The following FRAS1 variants were observed in gnomAD, a reference collection of about 807,000 sequenced individuals.
FRAS1 encodes the protein extracellular matrix organizing protein FRAS1.
Under a neutral mutation model 435.2 loss-of-function variants are expected in FRAS1, and 290 were observed. The ratio of observed to expected loss-of-function variants is 0.67; its 90% confidence interval spans 0.61 to 0.73. The LOEUF (loss-of-function observed/expected upper bound fraction) is 0.73. Among genes scored for constraint, FRAS1 ranks in the 30% least tolerant of loss-of-function variants. The pLI is 0.00. For missense variants in FRAS1, 4,860 were observed against 5,001.5 expected (o/e 0.97, Z 0.85); for synonymous variants, 1,800 against 1,851.0 (o/e 0.97, Z 0.71).
chr4:78,363,696 C>A, intron 21 of FRAS1, 31 bp downstream of exon 21: 1 of 1,559,752 alleles, frequency 6.4e-7, no homozygotes, highest in Non-Finnish European at 8.7e-7. Context: ...GGAGCTGGAG[C>A]TGCCACCTGA....
intron 61 of FRAS1, among the ~76,000 whole-genome samples, chr4:78,506,368 A>G (rs1482872950): frequency 2.6e-5 from 4 of 152,232 alleles, no homozygotes; most frequent in African/African-American, 7.2e-5. Context: ...TGGAGTCTAT[A>G]GAGGCAGTAG....
chr4:78,221,309 A>T (rs911152831), intron 2 of FRAS1, among the ~76,000 whole-genome samples: 1 of 152,204 alleles, frequency 6.6e-6, no homozygotes, highest in Admixed American at 6.5e-5. Flanking sequence ...TCTGTAAAAC[A>T]TCTTTACTTA....
At chr4:78,206,530 T>A (rs1272335054) in intron 2 of FRAS1, among the ~76,000 whole-genome samples, 2 of 152,210 alleles carry the variant, frequency 1.3e-5, no homozygotes, top group African/African-American at 4.8e-5. Flanking sequence ...GAAACAACCG[T>A]ACCATCCCTA....
chr4:78,503,916 C>T (rs1257909174), intron 61 of FRAS1, among the ~76,000 whole-genome samples: 1 of 152,178 alleles, frequency 6.6e-6, no homozygotes, highest in African/African-American at 2.4e-5. Flanking sequence ...TACATTGTGT[C>T]TTTGTTCTCA....
chr4:78,314,857 C>T (rs1389824443), intron 15 of FRAS1, among the ~76,000 whole-genome samples: 2 of 151,424 alleles, frequency 1.3e-5, no homozygotes, highest in Non-Finnish European at 2.9e-5. Context: ...CACCTCTTAC[C>T]CCCACCCTCA....
intron 31 of FRAS1, among the ~76,000 whole-genome samples, chr4:78,409,451 T>C (rs969682393): frequency 1.3e-5 from 2 of 152,062 alleles, no homozygotes; most frequent in African/African-American, 4.8e-5. Flanking sequence ...GGACAAAATA[T>C]TTAACTCAAG....
intron 1 of FRAS1, among the ~76,000 whole-genome samples, chr4:78,059,649 C>T (rs1324415910): frequency 6.6e-6 from 1 of 151,864 alleles, no homozygotes. Flanking sequence ...AGAGTCCTAT[C>T]CCAGCAACGC....
At chr4:78,117,823 C>G (rs1055489629) in intron 2 of FRAS1, among the ~76,000 whole-genome samples, 1 of 152,254 alleles carries the variant, frequency 6.6e-6, no homozygotes, top group Non-Finnish European at 1.5e-5. Context: ...GCCTTCTTCT[C>G]TCAGCTCATC....
chr4:78,111,518 C>A (rs1244087179), intron 2 of FRAS1, among the ~76,000 whole-genome samples: 1 of 62,004 alleles, frequency 1.6e-5, no homozygotes. Context: ...AACCAAACAC[C>A]GCATATTCTC....
intron 47 of FRAS1, among the ~76,000 whole-genome samples, chr4:78,459,373 C>A (rs1416868749): frequency 6.6e-6 from 1 of 152,164 alleles, no homozygotes; most frequent in Non-Finnish European, 1.5e-5. Context: ...TTTCAGTAGC[C>A]AGGTACACAT....
intron 18 of FRAS1, among the ~76,000 whole-genome samples, chr4:78,321,722 G>A (rs995480527): frequency 7.3e-5 from 11 of 151,666 alleles, no homozygotes; most frequent in Admixed American, 5.3e-4. Flanking sequence ...GCACGTGCCT[G>A]TAGTCCCAGC....
chr4:78,526,174 G>A (rs560139821), intron 69 of FRAS1, among the ~76,000 whole-genome samples: 1 of 152,266 alleles, frequency 6.6e-6, no homozygotes, highest in African/African-American at 2.4e-5. Flanking sequence ...CTGTCATCAA[G>A]AAACACTAAA....
chr4:78,278,453 A>G (rs1727165148), intron 9 of FRAS1, among the ~76,000 whole-genome samples: 2 of 152,218 alleles, frequency 1.3e-5, no homozygotes, highest in Non-Finnish European at 2.9e-5. Context: ...CAGGAAAGAA[A>G]AAGCACATGG....
chr4:78,305,981 G>T (rs1489395064), intron 14 of FRAS1, among the ~76,000 whole-genome samples: 2 of 152,038 alleles, frequency 1.3e-5, no homozygotes, highest in Admixed American at 1.3e-4. Flanking sequence ...ATTTTGGCAT[G>T]ATTTTGCAGT....
intron 1 of FRAS1, among the ~76,000 whole-genome samples, chr4:78,059,380 G>C (rs568611094): frequency 1.3e-5 from 2 of 152,216 alleles, no homozygotes; most frequent in South Asian, 4.1e-4. Flanking sequence ...GCACTCTTCC[G>C]GGATGTGTGT....
rs184873935 is a variant in FRAS1 at position 78,180,929 on chromosome 4, G to A, written c.109-56581G>A. 7 of 1,608,086 alleles carry A rather than the reference G, an allele frequency of 4.4e-6. No homozygotes were observed. The African/African-American group carries it at 5.4e-5, about 12-fold the overall frequency. ...CAGGAGCAGAAGTACTTGACTTGTC[G>A]GTCCTGCTGCCACGGTTTGGGCGCC... is the stretch of plus-strand genomic sequence containing the variant. On this transcript the variant is annotated intron_variant, in intron 2 of 73. Transcript: ENST00000512123.
intron 30 of FRAS1, 148 bp from the exon 31 acceptor site, chr4:78,407,515 T>C (rs1039634631): frequency 4.8e-5 from 28 of 587,676 alleles, no homozygotes; most frequent in African/African-American, 4.7e-4. Context: ...TTGAATTATG[T>C]GTTAACATCC....
chr4:78,485,050 G>C (rs193142933), intron 58 of FRAS1, among the ~76,000 whole-genome samples: 21 of 152,308 alleles, frequency 1.4e-4, no homozygotes, highest in African/African-American at 4.6e-4. Context: ...AGTGGAAAGT[G>C]AATACAAAGT....
At chr4:78,094,570 A>G (rs1560517820) in intron 2 of FRAS1, among the ~76,000 whole-genome samples, 1 of 152,140 alleles carries the variant, frequency 6.6e-6, no homozygotes, top group Non-Finnish European at 1.5e-5. Flanking sequence ...TCTAATATAT[A>G]CTATGTTGTA....
Sources: gnomAD v4.1 joint callset for allele counts (sites outside exome capture counted in the v4.1 genomes callset) on GRCh38, gnomAD v4.1.1 for gene constraint, MANE v1.5 for transcripts, NCBI Gene and HGNC (gene_info 2026-07-23, HGNC 2026-07-21) for gene names.